The following HS6ST3 variants were observed in gnomAD, a reference collection of about 807,000 sequenced individuals.
HS6ST3 encodes heparan sulfate 6-O-sulfotransferase 3.
In HS6ST3, 12 loss-of-function variants were observed where a neutral mutation model predicts 36.7. The observed-to-expected ratio is 0.33, with a 90% CI of 0.21 to 0.53. The LOEUF (loss-of-function observed/expected upper bound fraction) is 0.53. HS6ST3 is among the 20% of genes least tolerant of loss of function. HS6ST3 has a pLI of 0.95. For missense variants in HS6ST3, 584 were observed against 640.9 expected (o/e 0.91, Z 0.96); for synonymous variants, 240 against 257.5 (o/e 0.93, Z 0.65).
intron 1 of HS6ST3, among the ~76,000 whole-genome samples, chr13:96,585,557 A>T (rs1432274991): frequency 6.6e-6 from 1 of 152,134 alleles, no homozygotes; most frequent in Non-Finnish European, 1.5e-5. Flanking sequence ...TCTTGAAGTT[A>T]TTCCTCCTAA....
At chr13:96,255,632 G>T (rs2054633612) in intron 1 of HS6ST3, among the ~76,000 whole-genome samples, 2 of 152,148 alleles carry the variant, frequency 1.3e-5, no homozygotes, top group Admixed American at 1.3e-4. Context: ...GATTCAGCAG[G>T]CAATTAGGTT....
At chr13:96,689,015 A>G (rs891668208) in intron 1 of HS6ST3, among the ~76,000 whole-genome samples, 1 of 152,064 alleles carries the variant, frequency 6.6e-6, no homozygotes, top group Non-Finnish European at 1.5e-5. Flanking sequence ...AGGGGCTTGC[A>G]TTTGCCAGTG....
chr13:96,726,760 C>T (rs756928458), intron 1 of HS6ST3, among the ~76,000 whole-genome samples: 3 of 152,120 alleles, frequency 2.0e-5, no homozygotes, highest in Non-Finnish European at 4.4e-5. Flanking sequence ...TTGGTTGTAG[C>T]CACTTTTTTT....
intron 1 of HS6ST3, among the ~76,000 whole-genome samples, chr13:96,538,609 A>G (rs1231226068): frequency 6.6e-6 from 1 of 152,014 alleles, no homozygotes; most frequent in Non-Finnish European, 1.5e-5. Flanking sequence ...ATGCCCGGCT[A>G]ATTTTTGAAT....
At chr13:96,172,200 T>C (rs1410904238) in intron 1 of HS6ST3, among the ~76,000 whole-genome samples, 3 of 152,238 alleles carry the variant, frequency 2.0e-5, no homozygotes, top group Non-Finnish European at 2.9e-5. Context: ...GCCCTCAACC[T>C]CATTTTTCAT....
intron 1 of HS6ST3, among the ~76,000 whole-genome samples, chr13:96,790,945 T>C (rs1174648191): frequency 6.6e-6 from 1 of 152,044 alleles, no homozygotes; most frequent in Non-Finnish European, 1.5e-5. Context: ...TAAAATTCTT[T>C]AGTGTTACAA....
chr13:96,353,755 C>A (rs921635397), intron 1 of HS6ST3, among the ~76,000 whole-genome samples: 1 of 151,954 alleles, frequency 6.6e-6, no homozygotes, highest in Non-Finnish European at 1.5e-5. Flanking sequence ...CTTTTAAAAT[C>A]ATAAAGAAAA....
chr13:96,776,995 G>T, intron 1 of HS6ST3, among the ~76,000 whole-genome samples: 1 of 151,816 alleles, frequency 6.6e-6, no homozygotes, highest in East Asian at 1.9e-4. Flanking sequence ...TATCCACCAC[G>T]ATTAAGTTGG....
chr13:96,677,878 T>A (rs1043131085), intron 1 of HS6ST3, among the ~76,000 whole-genome samples: 5 of 152,220 alleles, frequency 3.3e-5, no homozygotes, highest in African/African-American at 1.2e-4. Context: ...TAATGAGTTG[T>A]TTAAATTAGA....
intron 1 of HS6ST3, among the ~76,000 whole-genome samples, chr13:96,383,949 GAGAA>G (rs2055354802): frequency 6.6e-6 from 1 of 152,184 alleles, no homozygotes; most frequent in South Asian, 2.1e-4. Flanking sequence ...AGAGAAGCCT[GAGAA>G]GAGACACTAA....
chr13:96,141,517 AT>A (rs921427900), intron 1 of HS6ST3, among the ~76,000 whole-genome samples: 1 of 151,232 alleles, frequency 6.6e-6, no homozygotes, highest in Non-Finnish European at 1.5e-5. Flanking sequence ...TGCCCAGCTA[AT>A]TTTTTTTCAT....
At chr13:96,369,544 T>C (rs1353100023) in intron 1 of HS6ST3, among the ~76,000 whole-genome samples, 2 of 152,170 alleles carry the variant, frequency 1.3e-5, no homozygotes, top group Admixed American at 6.5e-5. Flanking sequence ...TGCTGCAAGT[T>C]GTATTTTTCA....
chr13:96,632,857 G>T (rs2056536558), intron 1 of HS6ST3, among the ~76,000 whole-genome samples: 1 of 152,148 alleles, frequency 6.6e-6, no homozygotes, highest in Admixed American at 6.5e-5. Context: ...CTGACAAGAT[G>T]GGGCATCATC....
chr13:96,525,535 G>A (rs138549006), intron 1 of HS6ST3, among the ~76,000 whole-genome samples: 1 of 152,106 alleles, frequency 6.6e-6, no homozygotes, highest in East Asian at 1.9e-4. Flanking sequence ...TTTTCCTGAT[G>A]TTTTAGTGTT....
At chr13:96,727,446 A>G (rs977165792) in intron 1 of HS6ST3, among the ~76,000 whole-genome samples, 1 of 152,102 alleles carries the variant, frequency 6.6e-6, no homozygotes, top group Non-Finnish European at 1.5e-5. Flanking sequence ...TCAACTCACC[A>G]TCGCTTCTCA....
intron 1 of HS6ST3, among the ~76,000 whole-genome samples, chr13:96,431,932 G>A (rs2055617774): frequency 6.6e-6 from 1 of 152,120 alleles, no homozygotes; most frequent in African/African-American, 2.4e-5. Context: ...ACAAAGCATG[G>A]TCAGCACTAA....
At chr13:96,687,040 TAAAG>T (rs1874801648) in intron 1 of HS6ST3, among the ~76,000 whole-genome samples, 2 of 151,916 alleles carry the variant, frequency 1.3e-5, no homozygotes, top group Admixed American at 6.6e-5. Context: ...TCCTTTTTGT[TAAAG>T]AAACACTGAG....
chr13:96,352,162 T>C (rs558502998), intron 1 of HS6ST3, among the ~76,000 whole-genome samples: 1 of 152,374 alleles, frequency 6.6e-6, no homozygotes, highest in South Asian at 2.1e-4. Context: ...AATAGGAAGG[T>C]GTATTTGTTA....
chr13:96,520,292 G>A (rs780405783), intron 1 of HS6ST3, among the ~76,000 whole-genome samples: 1 of 152,036 alleles, frequency 6.6e-6, no homozygotes, highest in Non-Finnish European at 1.5e-5. Context: ...GTAGCATGAT[G>A]CCTCCAGCTT....
Sources: allele counts gnomAD v4.1 joint callset (sites outside exome capture counted in the v4.1 genomes callset), GRCh38; gene constraint gnomAD v4.1.1; transcripts MANE v1.5; gene names NCBI Gene and HGNC (gene_info 2026-07-23, HGNC 2026-07-21).